The following ATXN2 variants were observed in gnomAD, a reference collection of about 807,000 sequenced individuals.
The protein encoded by ATXN2 is ataxin 2, also known as ataxin-2.
A neutral mutation model predicts 138.6 loss-of-function variants in ATXN2; 37 were observed. The ratio of observed to expected loss-of-function variants is 0.27; its 90% CI spans 0.21 to 0.35. The LOEUF is 0.35. ATXN2 is among the 10% of genes least tolerant of loss of function. The pLI is 1.00. For missense variants in ATXN2, 1,216 were observed against 1,480.3 expected (o/e 0.82, Z 2.93); for synonymous variants, 549 against 543.7 (o/e 1.01, Z -0.13).
At chr12:111,539,907 A>G (rs1881406583) in intron 5 of ATXN2, among the ~76,000 whole-genome samples, 1 of 150,560 alleles carries the variant, frequency 6.6e-6, no homozygotes, top group Non-Finnish European at 1.5e-5. Flanking sequence ...GTCATTTTAT[A>G]ACAACTTATT....
intron 1 of ATXN2, among the ~76,000 whole-genome samples, chr12:111,572,281 A>G (rs1194656593): frequency 6.6e-6 from 1 of 151,334 alleles, no homozygotes; most frequent in East Asian, 2.0e-4. Context: ...CATGCCTATA[A>G]CCCCAGCTAC....
intron 5 of ATXN2, among the ~76,000 whole-genome samples, chr12:111,543,431 A>G (rs1293999346): frequency 6.6e-6 from 1 of 152,034 alleles, no homozygotes; most frequent in East Asian, 1.9e-4. Flanking sequence ...AATCTACACA[A>G]TTCTTTTATT....
At chr12:111,493,365 A>G (rs1878170097) in intron 14 of ATXN2, among the ~76,000 whole-genome samples, 1 of 142,670 alleles carries the variant, frequency 7.0e-6, no homozygotes, top group Non-Finnish European at 1.5e-5. Context: ...GGTTGTAGTG[A>G]GCCAAGATGG....
chr12:111,542,238 T>C (rs1190282945), intron 5 of ATXN2, among the ~76,000 whole-genome samples: 1 of 152,106 alleles, frequency 6.6e-6, no homozygotes, highest in Non-Finnish European at 1.5e-5. Context: ...CCTATGCTTA[T>C]TTTTGTTTTT....
rs1397428173 is a variant in ATXN2 at position 111,582,998 on chromosome 12, T to G, written c.251+15786A>C. Reference sequence around the variant, plus strand: ...CTCAGTTTTTTTTTTTGTTTGTTTTTTTTTTTTTTTTGGAGACAGAGTCTC... The same window carrying G: ...CTCAGTTTTTTTTTTTGTTTGTTTTGTTTTTTTTTTTGGAGACAGAGTCTC... On this transcript the variant is annotated intron_variant, in intron 1 of 24. Coordinates refer to ENST00000673436, the MANE Select transcript of ATXN2 (RefSeq NM_001372574.1). Among the ~76,000 whole-genome samples the G allele has an allele frequency of 8.4e-4, 114 of 135,270 alleles. 1 individual carries two copies. The highest frequency in any genetic ancestry group is 3.1e-3 in the African/African-American group (107 of 34,198). The allele number at this position is 135,270 out of a possible 152,430, so 88.7% of individuals were successfully genotyped here. A position where few individuals can be genotyped will look rare whatever the true frequency, so the allele number is the denominator to read the frequency against.
At chr12:111,576,430 G>A (rs1366331599) in intron 1 of ATXN2, among the ~76,000 whole-genome samples, 1 of 152,130 alleles carries the variant, frequency 6.6e-6, no homozygotes, top group Non-Finnish European at 1.5e-5. Flanking sequence ...GGGCAACAGA[G>A]TGAGACTCCA....
At position 111,502,781 on chromosome 12, in the gene ATXN2, T is replaced by C. The variant is rs150803783; in HGVS notation, c.1935+6768A>G. Reference sequence around the variant, plus strand: ...CACATGAAATGGTACAATGACACCATTGTACATACTCTGTACAATACTGGG... The same window carrying C: ...CACATGAAATGGTACAATGACACCACTGTACATACTCTGTACAATACTGGG... On this transcript the variant is annotated intron_variant, in intron 14 of 24. Transcript: ENST00000673436. Among the ~76,000 whole-genome samples, 17 of 152,322 alleles carry C rather than the reference T, an allele frequency of 1.1e-4. No individual in the cohort carries two copies. In the East Asian group the frequency reaches 2.9e-3, roughly 26 times the overall value.
intron 23 of ATXN2, chr12:111,454,136 A>G: frequency 3.9e-6 from 1 of 255,414 alleles, no homozygotes; most frequent in East Asian, 7.5e-5. Flanking sequence ...TATTCTATGT[A>G]TGGGGTAAGA....
At chr12:111,490,342 G>C (rs993831451) in intron 14 of ATXN2, among the ~76,000 whole-genome samples, 1 of 152,110 alleles carries the variant, frequency 6.6e-6, no homozygotes, top group Admixed American at 6.6e-5. Flanking sequence ...GTTCAGAAAG[G>C]TGAACACAGC....
chr12:111,552,990 AATTT>A lies in ATXN2; in HGVS notation c.349-17_349-14del, dbSNP rs753344740. ...CACATTTGGAGCCCTAAAAACATAT[AATTT>A]ATTTATCAAAGAAACAGTATACTAC... On this transcript the variant is annotated splice_polypyrimidine_tract_variant and intron_variant, in intron 3 of 24. Coordinates refer to ENST00000673436, the MANE Select transcript of ATXN2 (RefSeq NM_001372574.1). The surrounding 1 kb of genome is among the most constrained non-coding windows in gnomAD (Gnocchi z 4.1). 1 of 1,511,240 alleles carries A rather than the reference AATTT, an allele frequency of 6.6e-7. No homozygotes were observed. Among genetic ancestry groups the A allele is most frequent in the Non-Finnish European group, 8.9e-7 (1 of 1,125,444 alleles). The allele number at this position is 1,511,240 out of a possible 1,614,324, so 93.6% of individuals were successfully genotyped here.
At chr12:111,509,092 G>A (rs904500840) in intron 14 of ATXN2, among the ~76,000 whole-genome samples, 2 of 152,190 alleles carry the variant, frequency 1.3e-5, no homozygotes, top group Non-Finnish European at 2.9e-5. Context: ...GAGATGTTAA[G>A]TAAAGCCTGT....
chr12:111,586,637 C>T (rs1228027840), intron 1 of ATXN2, among the ~76,000 whole-genome samples: 2 of 151,920 alleles, frequency 1.3e-5, no homozygotes, highest in African/African-American at 4.8e-5. Flanking sequence ...CCGCCCTCCT[C>T]AACCTCCCAA....
intron 14 of ATXN2, among the ~76,000 whole-genome samples, chr12:111,500,106 G>A (rs972961943): frequency 1.3e-5 from 2 of 152,172 alleles, no homozygotes; most frequent in Non-Finnish European, 2.9e-5. Flanking sequence ...CAATTGCACT[G>A]CTAGGTATAT....
intron 21 of ATXN2, among the ~76,000 whole-genome samples, 198 bp downstream of exon 21, chr12:111,464,464 C>G (rs1236810898): frequency 6.6e-6 from 1 of 151,968 alleles, no homozygotes; most frequent in Non-Finnish European, 1.5e-5. Context: ...TCTGAAACAA[C>G]TCCATTTTTC....
At chr12:111,560,431 C>A (rs1882619400) in intron 1 of ATXN2, among the ~76,000 whole-genome samples, 1 of 151,968 alleles carries the variant, frequency 6.6e-6, no homozygotes, top group Admixed American at 6.6e-5. Flanking sequence ...GGGACCAATC[C>A]CCCAAGGACA....
intron 7 of ATXN2, among the ~76,000 whole-genome samples, chr12:111,520,314 C>T (rs1880084480): frequency 1.3e-5 from 2 of 152,146 alleles, no homozygotes; most frequent in Admixed American, 1.3e-4. Flanking sequence ...AAACTGTTCA[C>T]CATAATCTCT....
At chr12:111,574,342 G>A (rs913269224) in intron 1 of ATXN2, among the ~76,000 whole-genome samples, 1 of 148,432 alleles carries the variant, frequency 6.7e-6, no homozygotes, top group Admixed American at 6.8e-5. Flanking sequence ...AAGGTATGGA[G>A]ACTTCTTATA....
intron 20 of ATXN2, 81 bp downstream of exon 20, chr12:111,470,027 T>C: frequency 6.9e-7 from 1 of 1,442,026 alleles, no homozygotes; most frequent in African/African-American, 1.4e-5. Flanking sequence ...GGTCAGGTTA[T>C]TCTTAGATAG....
intron 16 of ATXN2, among the ~76,000 whole-genome samples, chr12:111,486,521 C>T (rs1048496518): frequency 2.6e-5 from 4 of 152,120 alleles, no homozygotes; most frequent in Non-Finnish European, 5.9e-5. Context: ...AGCCAACCAT[C>T]GTCAAATTCT....
Sources: allele counts gnomAD v4.1 joint callset (sites outside exome capture counted in the v4.1 genomes callset), GRCh38; gene constraint gnomAD v4.1.1; non-coding constraint Gnocchi (gnomAD v3.1); transcripts MANE v1.5; gene names NCBI Gene and HGNC (gene_info 2026-07-23, HGNC 2026-07-21).